Variants in SNTG1 observed in about 807,000 individuals in gnomAD.
The protein encoded by SNTG1 is gamma-1-syntrophin.
A neutral mutation model predicts 74.7 loss-of-function variants in SNTG1; 39 were observed. The ratio of observed to expected loss-of-function variants is 0.52; its 90% CI spans 0.40 to 0.68. The LOEUF is 0.68. Ranked by LOEUF, SNTG1 falls within the 30% of genes least tolerant of loss-of-function variation. The pLI, the probability that SNTG1 is intolerant of heterozygous loss-of-function variation, is 0.00. For missense variants in SNTG1, 685 were observed against 609.5 expected (o/e 1.12, Z -1.30); for synonymous variants, 254 against 217.1 (o/e 1.17, Z -1.49).
intron 13 of SNTG1, among the ~76,000 whole-genome samples, chr8:50,592,644 A>T (rs554793059): frequency 6.6e-6 from 1 of 152,186 alleles, no homozygotes; most frequent in African/African-American, 2.4e-5. Context: ...ACACATACTC[A>T]TATGTAAGCA....
At chr8:50,777,803 TA>T (rs1215081538) in intron 18 of SNTG1, among the ~76,000 whole-genome samples, 2 of 152,066 alleles carry the variant, frequency 1.3e-5, no homozygotes, top group South Asian at 2.1e-4. Flanking sequence ...CTGCACCCAT[TA>T]ACTCATCATT....
chr8:50,531,645 G>C (rs1235769703), intron 10 of SNTG1, among the ~76,000 whole-genome samples: 1 of 152,100 alleles, frequency 6.6e-6, no homozygotes, highest in Non-Finnish European at 1.5e-5. Context: ...GATCCCCTTT[G>C]CCTGGGAGTC....
chr8:50,530,141 C>T (rs758683221), intron 9 of SNTG1, 36 bp from the exon 10 acceptor site: 1 of 1,574,302 alleles, frequency 6.4e-7, no homozygotes, highest in Non-Finnish European at 8.7e-7. Context: ...TTATGGCATT[C>T]TCACCAGTGG....
intron 1 of SNTG1, among the ~76,000 whole-genome samples, chr8:49,985,909 TTTTCATGTATCAAAGG>T (rs1165780095): frequency 1.3e-5 from 2 of 152,198 alleles, no homozygotes; most frequent in African/African-American, 4.8e-5. Context: ...AAGTACATAT[TTTTCATGTATCAAAGG>T]TTTCATAGAA....
intron 15 of SNTG1, among the ~76,000 whole-genome samples, chr8:50,699,197 C>T (rs1415257965): frequency 3.0e-5 from 4 of 134,894 alleles, no homozygotes; most frequent in Admixed American, 8.2e-5. Flanking sequence ...AGGGAAAAAG[C>T]AAGCAGGAAG....
intron 1 of SNTG1, among the ~76,000 whole-genome samples, chr8:49,990,036 A>G (rs1813530560): frequency 6.6e-6 from 1 of 151,996 alleles, no homozygotes; most frequent in East Asian, 1.9e-4. Flanking sequence ...TAAGATCAAG[A>G]ACAAAACAAG....
intron 9 of SNTG1, among the ~76,000 whole-genome samples, chr8:50,506,139 T>G (rs184850792): frequency 7.3e-4 from 111 of 152,240 alleles, no homozygotes; most frequent in Non-Finnish European, 1.2e-3. Context: ...CTTAACATGT[T>G]TGTTTAAAAT....
chr8:49,957,921 G>T (rs1229595642), intron 1 of SNTG1, among the ~76,000 whole-genome samples: 1 of 152,112 alleles, frequency 6.6e-6, no homozygotes, highest in African/African-American at 2.4e-5. Context: ...GCAACAGAGT[G>T]AGATTGCATC....
chr8:50,572,742 C>T (rs2130772236), intron 12 of SNTG1, among the ~76,000 whole-genome samples: 1 of 152,224 alleles, frequency 6.6e-6, no homozygotes. Flanking sequence ...GATATATGGT[C>T]ATCTTGTATC....
intron 12 of SNTG1, among the ~76,000 whole-genome samples, chr8:50,578,247 T>G (rs2094587965): frequency 6.6e-6 from 1 of 152,206 alleles, no homozygotes. Context: ...CAGAAAAGCT[T>G]TCATGGCAGA....
intron 2 of SNTG1, among the ~76,000 whole-genome samples, chr8:50,297,173 T>C (rs1260165513): frequency 6.6e-6 from 1 of 152,188 alleles, no homozygotes; most frequent in Non-Finnish European, 1.5e-5. Flanking sequence ...AGTATGGTTG[T>C]CCTCCTTATC....
intron 9 of SNTG1, among the ~76,000 whole-genome samples, chr8:50,507,580 TA>T (rs1284278287): frequency 1.6e-4 from 25 of 152,212 alleles, no homozygotes; most frequent in Admixed American, 1.4e-3. Context: ...GAAGGTTATC[TA>T]TTTTTTCTAG....
At chr8:49,921,683 A>G (rs2129344194) in intron 1 of SNTG1, among the ~76,000 whole-genome samples, 1 of 152,236 alleles carries the variant, frequency 6.6e-6, no homozygotes, top group East Asian at 1.9e-4. Flanking sequence ...TGTGGTGATT[A>G]AGGTCTAGTG....
chr8:50,373,219 T>C (rs1262925088), intron 2 of SNTG1, among the ~76,000 whole-genome samples: 1 of 152,228 alleles, frequency 6.6e-6, no homozygotes, highest in Non-Finnish European at 1.5e-5. Flanking sequence ...AAACAAATTG[T>C]AATTCTTTTT....
At chr8:50,251,339 C>G (rs745495832) in intron 2 of SNTG1, among the ~76,000 whole-genome samples, 1 of 151,636 alleles carries the variant, frequency 6.6e-6, no homozygotes, top group East Asian at 1.9e-4. Flanking sequence ...ACAAAACAAC[C>G]AAGAAATCGT....
chr8:50,127,064 G>A (rs1290063822), intron 1 of SNTG1, among the ~76,000 whole-genome samples: 1 of 152,062 alleles, frequency 6.6e-6, no homozygotes, highest in Non-Finnish European at 1.5e-5. Flanking sequence ...ACAATGGAAC[G>A]GTGAAGACAG....
At chr8:50,723,084 C>A (rs187178963) in intron 17 of SNTG1, among the ~76,000 whole-genome samples, 249 of 152,200 alleles carry the variant, frequency 1.6e-3, no homozygotes, top group Non-Finnish European at 3.0e-3. Context: ...CTCAGACTAT[C>A]GTGCTAATGA....
Position 50,629,466 on chromosome 8 carries a change from C to T in SNTG1, c.850-27443C>T, listed in dbSNP as rs77898257. Among the ~76,000 whole-genome samples the T allele has an allele frequency of 1.6e-3, 248 of 151,996 alleles. 1 individual carries two copies. Among genetic ancestry groups the T allele is most frequent in the African/African-American group, 5.8e-3 (241 of 41,482 alleles). On this transcript the variant is annotated intron_variant, in intron 13 of 18. Coordinates refer to ENST00000642720, the MANE Select transcript of SNTG1 (RefSeq NM_018967.5). ...TAGATATTAGGATAATTCTCTGAAA[C>T]AGTATATCACACTATGTAATCTAAC...
intron 2 of SNTG1, among the ~76,000 whole-genome samples, chr8:50,358,970 C>G (rs1311514793): frequency 6.6e-6 from 1 of 152,188 alleles, no homozygotes; most frequent in Non-Finnish European, 1.5e-5. Flanking sequence ...TACTGGTATT[C>G]TGTGCCTGAA....
Sources: allele counts gnomAD v4.1 joint callset (sites outside exome capture counted in the v4.1 genomes callset), GRCh38; gene constraint gnomAD v4.1.1; transcripts MANE v1.5; gene names NCBI Gene and HGNC (gene_info 2026-07-23, HGNC 2026-07-21).